The following GRAMD1C variants were observed in gnomAD, a reference collection of about 807,000 sequenced individuals.
GRAMD1C encodes the protein GRAM domain containing 1C.
In GRAMD1C, 89 loss-of-function variants were observed where a neutral mutation model predicts 97.8. The ratio of observed to expected loss-of-function variants is 0.91; its 90% CI spans 0.77 to 1.09. GRAMD1C has a LOEUF of 1.09. GRAMD1C is among the 50% of genes least tolerant of loss of function. The probability of loss-of-function intolerance (pLI) is 0.00; values close to 1 mark genes in which losing one functional copy is unlikely to be tolerated. For synonymous variants in GRAMD1C, 256 were observed against 267.0 expected (o/e 0.96, Z 0.40); for missense variants, 740 against 766.4 (o/e 0.97, Z 0.41).
At chr3:113,840,222 T>C (rs1577112125) in intron 1 of GRAMD1C, among the ~76,000 whole-genome samples, 1 of 152,070 alleles carries the variant, frequency 6.6e-6, no homozygotes, top group East Asian at 1.9e-4. Flanking sequence ...CGCCTCGGCC[T>C]CCCAAAGTAC....
At chr3:113,853,540 A>T (rs1421393210) in intron 2 of GRAMD1C, among the ~76,000 whole-genome samples, 1 of 152,216 alleles carries the variant, frequency 6.6e-6, no homozygotes, top group Non-Finnish European at 1.5e-5. Context: ...GTGAGCAGAG[A>T]CATTATGATC....
intron 2 of GRAMD1C, among the ~76,000 whole-genome samples, chr3:113,850,891 TC>T (rs10709957): frequency 1 from 151,709 of 151,936 alleles, 75,742 homozygotes; most frequent in Middle Eastern, 1. Flanking sequence ...AAACTCCGCT[TC>T]CCCGGGTTCA....
chr3:113,889,901 G>A (rs1256818011), intron 6 of GRAMD1C, among the ~76,000 whole-genome samples: 1 of 152,140 alleles, frequency 6.6e-6, no homozygotes, highest in Non-Finnish European at 1.5e-5. Context: ...GCCTCCCAAA[G>A]TACTGGGATT....
Position 113,933,656 on chromosome 3 carries a change from G to A in GRAMD1C, c.1352+3G>A. The A allele has an allele frequency of 6.3e-7, 1 of 1,599,442 alleles. No individual in the cohort carries two copies. The highest frequency in any genetic ancestry group is 1.3e-5 in the African/African-American group (1 of 74,726). Reference sequence around the variant, plus strand: ...TCAAAACAGAAATGCAGGCTAAGGTGAGCTGCTGTACATGAATGTGTTAGG... The same window carrying A: ...TCAAAACAGAAATGCAGGCTAAGGTAAGCTGCTGTACATGAATGTGTTAGG... On this transcript the variant is annotated splice_donor_region_variant and intron_variant, in intron 12 of 17. Transcript: ENST00000358160.
chr3:113,882,219 A>G (rs1935295393), intron 5 of GRAMD1C, among the ~76,000 whole-genome samples: 1 of 152,318 alleles, frequency 6.6e-6, no homozygotes, highest in African/African-American at 2.4e-5. Flanking sequence ...AGGAAAGTGC[A>G]GTGTTAGCAT....
At chr3:113,881,680 T>G (rs1935267749) in intron 5 of GRAMD1C, among the ~76,000 whole-genome samples, 1 of 152,162 alleles carries the variant, frequency 6.6e-6, no homozygotes, top group Admixed American at 6.6e-5. Flanking sequence ...CTAGGAGATT[T>G]TTAAAATCTA....
chr3:113,907,218 C>A (rs1936402452), intron 8 of GRAMD1C, among the ~76,000 whole-genome samples: 1 of 152,154 alleles, frequency 6.6e-6, no homozygotes, highest in South Asian at 2.1e-4. Context: ...CCACCCTCCC[C>A]CAAGAACTTC....
intron 2 of GRAMD1C, among the ~76,000 whole-genome samples, chr3:113,845,585 A>G (rs1933572833): frequency 6.6e-6 from 1 of 152,030 alleles, no homozygotes; most frequent in Non-Finnish European, 1.5e-5. Flanking sequence ...TACAGGCTAC[A>G]TCCCAGCTAC....
At chr3:113,871,010 C>T (rs1184875209) in intron 3 of GRAMD1C, among the ~76,000 whole-genome samples, 1 of 113,564 alleles carries the variant, frequency 8.8e-6, no homozygotes, top group Non-Finnish European at 1.8e-5. Flanking sequence ...CACACACACA[C>T]ACACACACAC....
chr3:113,914,030 T>C (rs905806369), intron 9 of GRAMD1C, among the ~76,000 whole-genome samples: 6 of 152,306 alleles, frequency 3.9e-5, no homozygotes, highest in African/African-American at 1.4e-4. Context: ...AATAAATCAA[T>C]AAAAATATAA....
chr3:113,940,195 T>A (rs200953306), intron 16 of GRAMD1C, 45 bp from the exon 17 acceptor site: 3 of 1,135,446 alleles, frequency 2.6e-6, no homozygotes, highest in East Asian at 2.3e-5. Flanking sequence ...GAAAAAAAGA[T>A]CAGAAGCTAT....
At chr3:113,934,930 G>T (rs1937548702) in intron 13 of GRAMD1C, among the ~76,000 whole-genome samples, 1 of 152,028 alleles carries the variant, frequency 6.6e-6, no homozygotes, top group African/African-American at 2.4e-5. Context: ...TATTAGTAGA[G>T]ACGAGGTTTC....
chr3:113,838,906 C>G lies in GRAMD1C; in HGVS notation c.-4C>G. ...GCGGTGCCGCGGCGGCGGAGGGAGC[C>G]GCGATGGAGGGCGCTCCGACTGTCC... On this transcript the variant is annotated 5_prime_UTR_variant, in exon 1 of 18. Transcript: ENST00000358160. 4.1e-6 allele frequency: 5 copies of G among 1,231,428 alleles called. No individual in the cohort carries two copies. Among genetic ancestry groups the G allele is most frequent in the Non-Finnish European group, 5.1e-6 (5 of 987,158 alleles). The allele number at this position is 1,231,428 out of a possible 1,614,324, so 76.3% of individuals were successfully genotyped here. A position where few individuals can be genotyped will look rare whatever the true frequency, so the allele number is the denominator to read the frequency against.
At chr3:113,906,529 C>T (rs977212598) in intron 8 of GRAMD1C, among the ~76,000 whole-genome samples, 2 of 152,062 alleles carry the variant, frequency 1.3e-5, no homozygotes, top group Admixed American at 6.5e-5. Flanking sequence ...TATTTTTGTA[C>T]AGCTGTCCAG....
intron 6 of GRAMD1C, chr3:113,885,227 G>C: frequency 2.2e-6 from 2 of 895,844 alleles, no homozygotes; most frequent in Non-Finnish European, 3.5e-6. Flanking sequence ...CTTCGGCGGG[G>C]GTTGCCCCCG....
At chr3:113,895,648 C>CTATG (rs1935909086) in intron 6 of GRAMD1C, among the ~76,000 whole-genome samples, 1 of 152,172 alleles carries the variant, frequency 6.6e-6, no homozygotes, top group South Asian at 2.1e-4. Flanking sequence ...GTCACGTTTG[C>CTATG]TATGTAATAG....
chr3:113,886,061 T>TG lies in GRAMD1C; in HGVS notation c.540+3236dup, dbSNP rs1212334041. On this transcript the variant is annotated intron_variant, in intron 6 of 17. Coordinates refer to ENST00000358160, the MANE Select transcript of GRAMD1C (RefSeq NM_017577.5). ...TAATCCCCCTCCACTTGGGTTGGGG[T>TG]GGGGGGGCGGGGGGGAAAGGGATGG... is the stretch of plus-strand genomic sequence containing the variant. The TG allele has an allele frequency of 1.7e-3, 477 of 280,580 alleles. 5 individuals are homozygous for TG. The highest frequency in any genetic ancestry group is 6.3e-3 in the Admixed American group (12 of 1,920). The allele number at this position is 280,580 out of a possible 1,614,324, so 17.4% of individuals were successfully genotyped here.
intron 7 of GRAMD1C, among the ~76,000 whole-genome samples, chr3:113,901,574 G>C (rs781701955): frequency 6.6e-6 from 1 of 152,166 alleles, no homozygotes; most frequent in Non-Finnish European, 1.5e-5. Flanking sequence ...ATACATTAAT[G>C]GAAGGAGCAT....
intron 11 of GRAMD1C, among the ~76,000 whole-genome samples, chr3:113,931,486 G>A (rs1204993139): frequency 6.6e-6 from 1 of 151,860 alleles, no homozygotes; most frequent in African/African-American, 2.4e-5. Context: ...AGCCTCCTGA[G>A]TAGGTGGGAT....
Sources: gnomAD v4.1 joint callset for allele counts (sites outside exome capture counted in the v4.1 genomes callset) on GRCh38, gnomAD v4.1.1 for gene constraint, MANE v1.5 for transcripts, NCBI Gene and HGNC (gene_info 2026-07-23, HGNC 2026-07-21) for gene names.